Variants in AIDA observed in about 807,000 individuals in gnomAD.
AIDA encodes the protein axin interactor, dorsalization associated.
AIDA carries 18 observed loss-of-function variants against 42.7 expected under a neutral mutation model. The ratio of observed to expected loss-of-function variants is 0.42; its 90% CI spans 0.29 to 0.63. The LOEUF is 0.63. AIDA is among the 20% of genes least tolerant of loss of function. The pLI is 0.19. For synonymous variants in AIDA, 104 were observed against 122.9 expected (o/e 0.85, Z 1.02); for missense variants, 250 against 354.1 (o/e 0.71, Z 2.36).
At chr1:222,678,819 C>T (rs1664602018) in intron 6 of AIDA, among the ~76,000 whole-genome samples, 1 of 152,132 alleles carries the variant, frequency 6.6e-6, no homozygotes, top group Non-Finnish European at 1.5e-5. Flanking sequence ...TCCTACACTC[C>T]CTTTGAGTCT....
At chr1:222,692,620 T>C (rs773116265) in intron 4 of AIDA, among the ~76,000 whole-genome samples, 9 of 152,076 alleles carry the variant, frequency 5.9e-5, no homozygotes, top group Non-Finnish European at 1.3e-4. Context: ...GTGGGAAAAA[T>C]ACAAAGGTTA....
chr1:222,680,889 G>A (rs536676629), intron 6 of AIDA, among the ~76,000 whole-genome samples: 12 of 152,050 alleles, frequency 7.9e-5, no homozygotes, highest in Non-Finnish European at 1.5e-4. Context: ...CATAATGCCT[G>A]CATGTGAAAT....
intron 8 of AIDA, 74 bp downstream of exon 8, chr1:222,673,239 C>T (rs1664480522): frequency 2.2e-5 from 31 of 1,389,664 alleles, no homozygotes; most frequent in Non-Finnish European, 3.0e-5. Flanking sequence ...TATGCTAGGT[C>T]CACCATATGT....
intron 1 of AIDA, among the ~76,000 whole-genome samples, chr1:222,710,744 C>T (rs1048752352): frequency 1.3e-5 from 2 of 152,160 alleles, no homozygotes; most frequent in African/African-American, 4.8e-5. Flanking sequence ...TCCCAGATTT[C>T]AGTGGTATCA....
chr1:222,679,754 C>T (rs1184394352), intron 6 of AIDA, among the ~76,000 whole-genome samples: 3 of 152,238 alleles, frequency 2.0e-5, no homozygotes, highest in Non-Finnish European at 4.4e-5. Flanking sequence ...AGAGCCTACA[C>T]AGGAGCTGTG....
At chr1:222,704,284 A>C (rs1384774529) in intron 1 of AIDA, among the ~76,000 whole-genome samples, 1 of 152,190 alleles carries the variant, frequency 6.6e-6, no homozygotes, top group Non-Finnish European at 1.5e-5. Context: ...CAAAAAGTTA[A>C]ATATAGACTT....
intron 2 of AIDA, among the ~76,000 whole-genome samples, chr1:222,701,623 C>T (rs1185495205): frequency 1.3e-5 from 2 of 151,932 alleles, no homozygotes; most frequent in Non-Finnish European, 2.9e-5. Flanking sequence ...CAGTAATTTC[C>T]ACTGTGGTCA....
chr1:222,706,680 C>G (rs1395036283), intron 1 of AIDA, among the ~76,000 whole-genome samples: 2 of 151,826 alleles, frequency 1.3e-5, no homozygotes, highest in African/African-American at 2.4e-5. Context: ...ACCAGCCTGG[C>G]CAACATGGTG....
At chr1:222,691,317 A>G (rs1439886276) in intron 4 of AIDA, among the ~76,000 whole-genome samples, 1 of 152,242 alleles carries the variant, frequency 6.6e-6, no homozygotes, top group East Asian at 1.9e-4. Context: ...AAGTGGCAGA[A>G]GATGAAAGTT....
chr1:222,686,025 T>G (rs1305768688), intron 6 of AIDA, among the ~76,000 whole-genome samples: 8 of 152,152 alleles, frequency 5.3e-5, no homozygotes, highest in Admixed American at 4.6e-4. Context: ...CCGGGTGTGG[T>G]GGCATGCACC....
intron 2 of AIDA, among the ~76,000 whole-genome samples, chr1:222,700,927 A>G (rs866611382): frequency 5.1e-4 from 74 of 143,996 alleles, no homozygotes; most frequent in African/African-American, 1.7e-3. Flanking sequence ...ATTTTTTCTC[A>G]TCAGTCTAAT....
At chr1:222,670,349 T>A in intron 8 of AIDA, 99 bp from the exon 9 acceptor site, 1 of 925,526 alleles carries the variant, frequency 1.1e-6, no homozygotes, top group Non-Finnish European at 1.7e-6. Flanking sequence ...CAGCTACAGC[T>A]GGCATAATTT....
rs530092869 is a variant in AIDA, at chr1:222,712,475, G to T, written c.-158C>A. On this transcript the variant is annotated 5_prime_UTR_variant, in exon 1 of 10. Coordinates refer to ENST00000340020, the MANE Select transcript of AIDA (RefSeq NM_022831.4). ...GAGGAGCCGCCCAAGCCCATTTGCC[G>T]CCACAGCCAAACTTTGCGGCTCCAA... is the stretch of plus-strand genomic sequence containing the variant. 105 of 1,418,086 alleles carry T rather than the reference G, an allele frequency of 7.4e-5. 2 individuals carry two copies. In the South Asian group the frequency reaches 1.5e-3, roughly 20 times the overall value. The allele number at this position is 1,418,086 out of a possible 1,614,324, so 87.8% of individuals were successfully genotyped here. A position where few individuals can be genotyped will look rare whatever the true frequency, so the allele number is the denominator to read the frequency against.
rs911773229 is a variant in AIDA, at chr1:222,699,110, A to G, written c.180+4038T>C. 2.0e-5 allele frequency among the ~76,000 whole-genome samples: 3 copies of G among 152,214 alleles called. No individual in the cohort carries two copies. In the South Asian group the frequency reaches 6.2e-4, roughly 32 times the overall value. ...AAAGTGCTGCGATTACAGGTGTGAG[A>G]CACCCCGTCTGGCCAAAGTATGTTT... On this transcript the variant is annotated intron_variant, in intron 2 of 9. Coordinates refer to ENST00000340020, the MANE Select transcript of AIDA (RefSeq NM_022831.4).
chr1:222,690,298 C>T (rs983454183), intron 4 of AIDA, among the ~76,000 whole-genome samples: 4 of 152,208 alleles, frequency 2.6e-5, no homozygotes, highest in African/African-American at 9.6e-5. Flanking sequence ...GGACCACCTC[C>T]TGTGTTCTGG....
intron 1 of AIDA, among the ~76,000 whole-genome samples, chr1:222,706,298 G>A (rs1235298042): frequency 6.6e-6 from 1 of 152,104 alleles, no homozygotes; most frequent in Non-Finnish European, 1.5e-5. Flanking sequence ...TTTATCATAT[G>A]ACCCAGTAAT....
chr1:222,690,348 G>A (rs979741138), intron 4 of AIDA, among the ~76,000 whole-genome samples: 3 of 152,168 alleles, frequency 2.0e-5, no homozygotes, highest in Non-Finnish European at 4.4e-5. Flanking sequence ...ATTCTGGCAT[G>A]TAAACTTAAA....
chr1:222,699,920 C>T (rs183189513), intron 2 of AIDA, among the ~76,000 whole-genome samples: 1,755 of 152,110 alleles, frequency 0.012, 25 homozygotes, highest in African/African-American at 0.04. Context: ...TACAGGTGCC[C>T]GCCACCACGC....
At chr1:222,693,756 G>T (rs1338023242) in intron 4 of AIDA, 33 bp downstream of exon 4, 1 of 1,526,888 alleles carries the variant, frequency 6.5e-7, no homozygotes, top group Non-Finnish European at 9.0e-7. Flanking sequence ...TTTTCCAAAG[G>T]AGTATCACAA....
Sources: gnomAD v4.1 joint callset for allele counts (sites outside exome capture counted in the v4.1 genomes callset) on GRCh38, gnomAD v4.1.1 for gene constraint, MANE v1.5 for transcripts, NCBI Gene and HGNC (gene_info 2026-07-23, HGNC 2026-07-21) for gene names.